The following SLC4A4 variants were observed in gnomAD, a reference collection of about 807,000 sequenced individuals.
SLC4A4 encodes solute carrier family 4 member 4.
Under a neutral mutation model 111.5 loss-of-function variants are expected in SLC4A4, and 27 were observed. The ratio of observed to expected loss-of-function variants is 0.24; its 90% CI spans 0.18 to 0.33. The LOEUF is 0.33. Ranked by LOEUF, SLC4A4 falls within the 10% of genes least tolerant of loss-of-function variation. SLC4A4 has a pLI of 1.00. For missense variants in SLC4A4, 909 were observed against 1,315.5 expected (o/e 0.69, Z 4.78); for synonymous variants, 443 against 463.4 (o/e 0.96, Z 0.57).
intron 2 of SLC4A4, among the ~76,000 whole-genome samples, chr4:71,100,301 C>T (rs976617857): frequency 1.3e-5 from 2 of 151,710 alleles, no homozygotes; most frequent in Non-Finnish European, 2.9e-5. Flanking sequence ...GGTCAACATA[C>T]ACAAATCAAT....
chr4:71,289,634 A>T (rs909004636), intron 3 of SLC4A4, among the ~76,000 whole-genome samples: 3 of 152,214 alleles, frequency 2.0e-5, no homozygotes, highest in African/African-American at 7.2e-5. Context: ...GTGATGCCAA[A>T]GATATGGGGC....
At chr4:71,390,253 T>A (rs1719134643) in intron 6 of SLC4A4, among the ~76,000 whole-genome samples, 1 of 152,204 alleles carries the variant, frequency 6.6e-6, no homozygotes, top group African/African-American at 2.4e-5. Flanking sequence ...CCTAAGTGAT[T>A]TGTTCTCTTT....
rs541127219 is a variant in SLC4A4 at position 71,068,530 on chromosome 4, A to C, written c.-65+5742A>C. Among the ~76,000 whole-genome samples, 3 of 150,568 alleles carry C rather than the reference A, an allele frequency of 2.0e-5. No homozygotes were observed. In the South Asian group the frequency reaches 6.3e-4, roughly 32 times the overall value. ...ACTAGTCTGATTTTCATCACCATACATTAGTTTTGTCAGGGCAACCTTTTT... is the reference window on the plus strand; with the variant it reads ...ACTAGTCTGATTTTCATCACCATACCTTAGTTTTGTCAGGGCAACCTTTTT... On this transcript the variant is annotated intron_variant, in intron 1 of 26. Coordinates refer to the SLC4A4 transcript ENST00000649996.
At chr4:71,304,905 T>C (rs1028195889) in intron 3 of SLC4A4, among the ~76,000 whole-genome samples, 8 of 152,248 alleles carry the variant, frequency 5.3e-5, no homozygotes, top group Non-Finnish European at 1.0e-4. Flanking sequence ...AACTCTTTAG[T>C]TGGGAAATAA....
chr4:71,256,785 C>G (rs989899499), intron 3 of SLC4A4, among the ~76,000 whole-genome samples: 1 of 152,088 alleles, frequency 6.6e-6, no homozygotes, highest in African/African-American at 2.4e-5. Flanking sequence ...AAATGACTAC[C>G]ATTTATCTTG....
Position 71,567,819 on chromosome 4 carries a change from C to A in SLC4A4, c.*68C>A. On this transcript the variant is annotated 3_prime_UTR_variant, in exon 26 of 26. Coordinates refer to ENST00000264485, the MANE Select transcript of SLC4A4 (RefSeq NM_001098484.3). ...TAGAACTCCAGTAAAAGTTGTGCCT[C>A]AAATTAGAATAGAACTTGAACCTGA... 1.3e-6 allele frequency: 2 copies of A among 1,545,352 alleles called. No individual in the cohort carries two copies. Among genetic ancestry groups the A allele is most frequent in the Admixed American group, 2.0e-5 (1 of 50,032 alleles).
chr4:71,390,837 T>G (rs558366615), intron 6 of SLC4A4, among the ~76,000 whole-genome samples: 1 of 152,254 alleles, frequency 6.6e-6, no homozygotes, highest in East Asian at 1.9e-4. Context: ...TACATTATGG[T>G]TTTACCACTT....
At chr4:71,170,189 T>C (rs1210131586) in intron 2 of SLC4A4, among the ~76,000 whole-genome samples, 1 of 152,218 alleles carries the variant, frequency 6.6e-6, no homozygotes, top group Non-Finnish European at 1.5e-5. Context: ...TAGTAGAAAT[T>C]ATCTTATTAT....
chr4:71,162,738 G>GA (rs1286364069), intron 2 of SLC4A4, among the ~76,000 whole-genome samples: 4 of 152,080 alleles, frequency 2.6e-5, no homozygotes, highest in South Asian at 2.1e-4. Context: ...CCCAGAAAAA[G>GA]AAAAAATAAT....
intron 1 of SLC4A4, among the ~76,000 whole-genome samples, chr4:71,066,744 C>A (rs938957476): frequency 6.6e-6 from 1 of 152,174 alleles, no homozygotes; most frequent in African/African-American, 2.4e-5. Context: ...TCGATAGAAT[C>A]CCTACTGAAG....
chr4:71,432,761 G>A (rs1413449787), intron 7 of SLC4A4, among the ~76,000 whole-genome samples: 1 of 152,034 alleles, frequency 6.6e-6, no homozygotes. Flanking sequence ...TACAGAGGGT[G>A]ATGGAGCTTA....
intron 3 of SLC4A4, among the ~76,000 whole-genome samples, chr4:71,316,931 A>G (rs1726732263): frequency 6.6e-6 from 1 of 152,042 alleles, no homozygotes; most frequent in Non-Finnish European, 1.5e-5. Flanking sequence ...TGTATTTCTC[A>G]GGCTGGACTT....
intron 7 of SLC4A4, among the ~76,000 whole-genome samples, chr4:71,431,982 G>T (rs915184386): frequency 1.6e-4 from 25 of 152,060 alleles, no homozygotes; most frequent in Admixed American, 1.4e-3. Flanking sequence ...GCAAATGTTT[G>T]ATACAGTGGA....
intron 2 of SLC4A4, among the ~76,000 whole-genome samples, chr4:71,157,773 G>C (rs990864916): frequency 6.6e-6 from 1 of 152,154 alleles, no homozygotes; most frequent in African/African-American, 2.4e-5. Context: ...ATCTTTGTAA[G>C]AGGAGGCCTT....
chr4:71,142,429 A>G (rs1049352231), intron 2 of SLC4A4, among the ~76,000 whole-genome samples: 5 of 152,248 alleles, frequency 3.3e-5, no homozygotes, highest in Non-Finnish European at 7.3e-5. Context: ...TATGGCATTC[A>G]AACTCAACTA....
chr4:71,287,157 A>T (rs912141804), intron 3 of SLC4A4, among the ~76,000 whole-genome samples: 4 of 152,198 alleles, frequency 2.6e-5, no homozygotes, highest in Non-Finnish European at 5.9e-5. Flanking sequence ...ACCAGTACAC[A>T]TTATACATTA....
At chr4:71,446,189 A>C (rs1427271226) in intron 8 of SLC4A4, among the ~76,000 whole-genome samples, 3 of 152,122 alleles carry the variant, frequency 2.0e-5, no homozygotes, top group Non-Finnish European at 4.4e-5. Flanking sequence ...ATGATAAAAA[A>C]AAAGTAATTA....
At chr4:71,429,631 T>C (rs1000463599) in intron 7 of SLC4A4, among the ~76,000 whole-genome samples, 1 of 152,108 alleles carries the variant, frequency 6.6e-6, no homozygotes, top group African/African-American at 2.4e-5. Context: ...TTTTGAATAA[T>C]TGTAGTACCA....
At chr4:71,223,683 A>C (rs541204125) in intron 1 of SLC4A4, among the ~76,000 whole-genome samples, 3 of 152,110 alleles carry the variant, frequency 2.0e-5, no homozygotes, top group African/African-American at 7.2e-5. Flanking sequence ...CCCAAAGCCA[A>C]GTAGGCCGCC....
Sources: allele counts gnomAD v4.1 joint callset (sites outside exome capture counted in the v4.1 genomes callset), GRCh38; gene constraint gnomAD v4.1.1; transcripts MANE v1.5; gene names NCBI Gene and HGNC (gene_info 2026-07-23, HGNC 2026-07-21).